The following RIMS1 variants were observed in gnomAD, a reference collection of about 807,000 sequenced individuals.
RIMS1 encodes the protein regulating synaptic membrane exocytosis protein 1.
Under a neutral mutation model 214.1 loss-of-function variants are expected in RIMS1, and 83 were observed. That is an observed-to-expected ratio of 0.39 (90% CI 0.32 to 0.47). The LOEUF is 0.47. RIMS1 is among the 20% of genes least tolerant of loss of function. The probability of loss-of-function intolerance (pLI) is 0.99; values close to 1 mark genes in which losing one functional copy is unlikely to be tolerated. For missense variants in RIMS1, 2,050 were observed against 2,161.8 expected (o/e 0.95, Z 1.03); for synonymous variants, 793 against 786.8 (o/e 1.01, Z -0.13).
intron 2 of RIMS1, among the ~76,000 whole-genome samples, chr6:71,988,025 A>G (rs1800537401): frequency 6.6e-6 from 1 of 151,938 alleles, no homozygotes; most frequent in Non-Finnish European, 1.5e-5. Flanking sequence ...CTGGAAAAGA[A>G]CACCATGCTC....
chr6:72,399,646 G>A (rs1054124741), intron 33 of RIMS1, among the ~76,000 whole-genome samples: 21 of 140,890 alleles, frequency 1.5e-4, no homozygotes, highest in Admixed American at 4.8e-4. Flanking sequence ...ACTAACATGT[G>A]CAATAAGTAT....
chr6:72,301,041 T>C (rs1425782817), intron 26 of RIMS1, among the ~76,000 whole-genome samples: 6 of 151,804 alleles, frequency 4.0e-5, no homozygotes, highest in Admixed American at 1.3e-4. Flanking sequence ...TACTCACTTA[T>C]TGCATTTTCT....
chr6:72,233,289 C>T (rs771696589), intron 6 of RIMS1, among the ~76,000 whole-genome samples: 1 of 151,474 alleles, frequency 6.6e-6, no homozygotes, highest in Non-Finnish European at 1.5e-5. Flanking sequence ...CACTGTGTCC[C>T]AAAAAATGTA....
rs74459354 is a variant in RIMS1, at chr6:72,056,221, T to C, written c.246-40728T>C. ...GTGGGAGTTAAACACTGAGTGCATA[T>C]GTACACGAAGAAGAGAATGACAGAC... On this transcript the variant is annotated intron_variant, in intron 2 of 33. Coordinates refer to ENST00000521978, the MANE Select transcript of RIMS1 (RefSeq NM_014989.7). Among the ~76,000 whole-genome samples, 343 of 152,210 alleles carry C rather than the reference T, an allele frequency of 2.3e-3. 9 individuals carry two copies. In the East Asian group the frequency reaches 0.062, roughly 27 times the overall value.
chr6:71,986,604 T>A (rs1800041618), intron 2 of RIMS1, among the ~76,000 whole-genome samples: 1 of 152,264 alleles, frequency 6.6e-6, no homozygotes, highest in South Asian at 2.1e-4. Context: ...CTGAAGTTTC[T>A]TATTTGGGCA....
chr6:72,018,402 G>C (rs950790702), intron 2 of RIMS1, among the ~76,000 whole-genome samples: 1 of 152,138 alleles, frequency 6.6e-6, no homozygotes, highest in Non-Finnish European at 1.5e-5. Flanking sequence ...GTTTGTGTGT[G>C]TGTGTTGGTA....
intron 29 of RIMS1, among the ~76,000 whole-genome samples, chr6:72,361,358 G>A (rs912164280): frequency 1.3e-4 from 20 of 151,398 alleles, no homozygotes; most frequent in African/African-American, 4.9e-4. Context: ...CACCCGCCTC[G>A]GCCTCCCAAA....
intron 2 of RIMS1, among the ~76,000 whole-genome samples, chr6:71,996,914 A>T (rs115921814): frequency 0.022 from 3,324 of 152,316 alleles, 97 homozygotes; most frequent in African/African-American, 0.074. Context: ...TAATTTGTAG[A>T]TTTTATAATT....
At chr6:72,050,895 G>C (rs929468320) in intron 2 of RIMS1, among the ~76,000 whole-genome samples, 1 of 152,162 alleles carries the variant, frequency 6.6e-6, no homozygotes, top group Admixed American at 6.5e-5. Context: ...TGGGAATGCA[G>C]TCTGCTAGCA....
intron 1 of RIMS1, among the ~76,000 whole-genome samples, chr6:71,912,500 C>G (rs962203216): frequency 6.6e-6 from 1 of 151,956 alleles, no homozygotes; most frequent in African/African-American, 2.4e-5. Flanking sequence ...GTTTATAAAG[C>G]CTGAGTGTCT....
intron 27 of RIMS1, among the ~76,000 whole-genome samples, chr6:72,310,190 C>T (rs1220806050): frequency 6.6e-6 from 1 of 152,042 alleles, no homozygotes; most frequent in Non-Finnish European, 1.5e-5. Flanking sequence ...TTCTCAAATA[C>T]TTTTAACCAA....
intron 2 of RIMS1, among the ~76,000 whole-genome samples, chr6:72,086,581 C>CT (rs1489061464): frequency 1.3e-5 from 2 of 152,106 alleles, no homozygotes; most frequent in Admixed American, 6.5e-5. Context: ...TCTTATGCTA[C>CT]TTTCTTTGTA....
chr6:72,377,037 A>C (rs367624795), intron 29 of RIMS1, among the ~76,000 whole-genome samples: 1 of 152,232 alleles, frequency 6.6e-6, no homozygotes, highest in African/African-American at 2.4e-5. Flanking sequence ...AAACCAAACT[A>C]ACAAAATGCC....
chr6:72,204,596 T>C (rs1341123219), intron 6 of RIMS1, among the ~76,000 whole-genome samples: 2 of 152,256 alleles, frequency 1.3e-5, no homozygotes, highest in African/African-American at 2.4e-5. Context: ...TCCTCAATCG[T>C]TCTCTTTGAA....
chr6:72,030,511 C>G (rs2152005276), intron 2 of RIMS1, among the ~76,000 whole-genome samples: 1 of 152,142 alleles, frequency 6.6e-6, no homozygotes, highest in East Asian at 1.9e-4. Flanking sequence ...TGACATTTCT[C>G]CATAGTTTTT....
At chr6:72,181,168 A>G (rs2048349001) in intron 5 of RIMS1, among the ~76,000 whole-genome samples, 2 of 152,200 alleles carry the variant, frequency 1.3e-5, no homozygotes, top group Non-Finnish European at 2.9e-5. Flanking sequence ...TGCTAATTTG[A>G]TCAAAGCTAG....
chr6:72,361,096 CTTTTTTTTTT>C (rs70994124), intron 29 of RIMS1, among the ~76,000 whole-genome samples: 14 of 54,434 alleles, frequency 2.6e-4, no homozygotes, highest in East Asian at 4.8e-4. Flanking sequence ...GTCTTTCTTT[CTTTTTTTTTT>C]TTTTTTTTTT....
chr6:71,956,569 A>C (rs1791358475), intron 1 of RIMS1, among the ~76,000 whole-genome samples: 1 of 152,206 alleles, frequency 6.6e-6, no homozygotes, highest in Non-Finnish European at 1.5e-5. Context: ...GAATGGAATC[A>C]AACTGATGCA....
At chr6:71,998,985 G>C (rs9446532) in intron 2 of RIMS1, among the ~76,000 whole-genome samples, 20,045 of 151,902 alleles carry the variant, frequency 0.13, 1,391 homozygotes, top group South Asian at 0.19. Context: ...ATGTCTATTG[G>C]ATTAGTTCTG....
Sources: allele counts gnomAD v4.1 joint callset (sites outside exome capture counted in the v4.1 genomes callset), GRCh38; gene constraint gnomAD v4.1.1; transcripts MANE v1.5; gene names NCBI Gene and HGNC (gene_info 2026-07-23, HGNC 2026-07-21).